PREX1: variants seen among roughly 807,000 people sequenced by gnomAD.
The protein encoded by PREX1 is phosphatidylinositol-3,4,5-trisphosphate dependent Rac exchange factor 1.
PREX1 carries 41 observed loss-of-function variants against 198.3 expected under a neutral mutation model. The observed-to-expected ratio is 0.21, with a 90% CI of 0.16 to 0.27. The LOEUF (loss-of-function observed/expected upper bound fraction) is 0.27, where lower values mean the gene tolerates loss of function less well. Ranked by LOEUF, PREX1 falls within the 10% of genes least tolerant of loss-of-function variation. PREX1 has a pLI of 1.00. For synonymous variants in PREX1, 843 were observed against 887.2 expected, an observed-to-expected ratio of 0.95 and a Z score of 0.89; for missense variants, 1,620 against 2,200.7, an observed-to-expected ratio of 0.74 and a Z score of 5.28.
chr20:48,682,545 T>C (rs2089758361), intron 10 of PREX1, among the ~76,000 whole-genome samples: 1 of 152,286 alleles, frequency 6.6e-6, no homozygotes, highest in South Asian at 2.1e-4. Flanking sequence ...TCAATGATCA[T>C]TTATGGAACA....
intron 31 of PREX1, among the ~76,000 whole-genome samples, chr20:48,637,272 A>C (rs1045969147): frequency 1.3e-5 from 2 of 152,176 alleles, no homozygotes; most frequent in Non-Finnish European, 2.9e-5. Flanking sequence ...TGAGTTTTTT[A>C]GTGACCAAAT....
rs770918795 is a variant in PREX1 at position 48,827,655 on chromosome 20, C to A, written c.206G>T (p.Arg69Leu). The A allele has an allele frequency of 4.0e-5, 53 of 1,325,260 alleles. No homozygotes were observed. The highest frequency in any genetic ancestry group is 5.1e-5 in the Non-Finnish European group (52 of 1,025,216). The allele number at this position is 1,325,260 out of a possible 1,614,324, so 82.1% of individuals were successfully genotyped here. Residue 69 changes from arginine to leucine, a missense_variant, in exon 1 of 40, where the codon CGC becomes CTC. Arg to Leu is a moderately radical substitution (Grantham distance 102). Transcript: ENST00000371941. The surrounding 1 kb of genome is among the most constrained non-coding windows in gnomAD (Gnocchi z 4.1). ...GTERDYVGTL[R>L]FLQSAFLHRI... ...AGCGACACTCACCGACTGCAAGAAG[C>A]GCAAGGTGCCCACGTAGTCCCTCTC...
chr20:48,781,017 A>C lies in PREX1; in HGVS notation c.220-33137T>G, dbSNP rs112279041. 8.6e-4 allele frequency among the ~76,000 whole-genome samples: 131 copies of C among 152,296 alleles called. 3 individuals are homozygous for C. The South Asian group carries it at 0.011, about 13-fold the overall frequency. On this transcript the variant is annotated intron_variant, in intron 1 of 39. Coordinates refer to ENST00000371941, the MANE Select transcript of PREX1 (RefSeq NM_020820.4). ...CCTAATTACGCATAAGCTCAAGTCCAAAGTGGCAGACAGTCTACAAAATAC... is the reference window on the plus strand; with the variant it reads ...CCTAATTACGCATAAGCTCAAGTCCCAAGTGGCAGACAGTCTACAAAATAC...
Position 48,639,792 on chromosome 20 carries a change from A to C in PREX1, c.3878T>G (p.Val1293Gly). Residue 1293 changes from valine (V) to glycine (G), a missense_variant, in exon 30 of 40, where the codon GTG becomes GGG. Around this residue, in one of 7 missense-constraint regions of PREX1, gnomAD observed 476 missense variants for 603.4 expected, o/e 0.79. Coordinates refer to ENST00000371941, the MANE Select transcript of PREX1 (RefSeq NM_020820.4). ...TTCCACATATCTCTGAATGTTGTCC[A>C]CCAGGGTCTTGATGGAGTTGGGGAG... The part of the protein sequence containing the change: ...WNLPNSIKTL[V>G]DNIQRYVEDG... 6.2e-7 allele frequency: 1 copy of C among 1,614,002 alleles called. No homozygotes were observed. The highest frequency in any genetic ancestry group is 2.2e-5 in the East Asian group (1 of 44,874).
At chr20:48,862,111 G>A in the PREX1 span, among the ~76,000 whole-genome samples, 3 of 152,114 alleles carry the variant, frequency 2.0e-5, no homozygotes, top group East Asian at 5.8e-4. Context: ...TCTGGAGGCT[G>A]AGGCAGTAGA....
At chr20:48,757,337 C>T (rs1039482824) in intron 1 of PREX1, among the ~76,000 whole-genome samples, 2 of 152,174 alleles carry the variant, frequency 1.3e-5, no homozygotes, top group African/African-American at 4.8e-5. Flanking sequence ...GGGCAGTGTC[C>T]ACCCACTGGA....
rs748769922 is a variant in PREX1, at chr20:48,734,610, T to C, written c.455A>G (p.His152Arg). ...CACCAGCAGCCTCAGGGCTTTCTCA[T>C]GGTTGCTGCAATACTCCTCGTACAC... is the stretch of plus-strand genomic sequence containing the variant. The part of the protein sequence containing the change: ...FCVYEEYCSN[H>R]EKALRLLVEL... The change falls in exon 4 of 40, where the codon CAT (histidine) becomes CGT (arginine). Residue 152 changes from histidine to arginine, a missense_variant. By Grantham distance (29) the His-to-Arg change is conservative (BLOSUM62 0). Around this residue, in one of 7 missense-constraint regions of PREX1, gnomAD observed 488 missense variants for 802.5 expected, o/e 0.61. Transcript: ENST00000371941. 3 of 1,614,038 alleles carry C rather than the reference T, an allele frequency of 1.9e-6. No individual in the cohort carries two copies. Among genetic ancestry groups the C allele is most frequent in the Non-Finnish European group, 2.5e-6 (3 of 1,179,990 alleles).
intron 1 of PREX1, among the ~76,000 whole-genome samples, chr20:48,769,741 G>A (rs537908682): frequency 2.6e-5 from 4 of 152,258 alleles, no homozygotes; most frequent in Admixed American, 2.0e-4. Flanking sequence ...CTGCTCAAAC[G>A]TCACCTCCTC....
At chr20:48,772,355 G>A (rs1274871970) in intron 1 of PREX1, among the ~76,000 whole-genome samples, 1 of 152,224 alleles carries the variant, frequency 6.6e-6, no homozygotes, top group Admixed American at 6.5e-5. Flanking sequence ...AGAAGGCGCA[G>A]GTGCGCAGCT....
intron 5 of PREX1, among the ~76,000 whole-genome samples, chr20:48,714,473 C>T (rs2089952735): frequency 6.6e-6 from 1 of 152,168 alleles, no homozygotes; most frequent in South Asian, 2.1e-4. Context: ...ACAGACATTT[C>T]TCCAAAGAAG....
the PREX1 span, among the ~76,000 whole-genome samples, chr20:48,836,902 CA>C: frequency 0.28 from 15,948 of 56,206 alleles, 313 homozygotes; most frequent in Non-Finnish European, 0.3. Context: ...ACTCTGTCTC[CA>C]AAAAAAAAAA....
Position 48,771,509 on chromosome 20 carries a change from C to T in PREX1, c.220-23629G>A, listed in dbSNP as rs544114524. Among the ~76,000 whole-genome samples the T allele has an allele frequency of 4.6e-5, 7 of 152,156 alleles. No homozygotes were observed. The South Asian group carries it at 8.3e-4, about 18-fold the overall frequency. On this transcript the variant is annotated intron_variant, in intron 1 of 39. Transcript: ENST00000371941. ...AGTTCTAGCCGGGCGTGGTGGCTCACGCCTGTAATCCCAACACTTTGGGAG... is the reference window on the plus strand; with the variant it reads ...AGTTCTAGCCGGGCGTGGTGGCTCATGCCTGTAATCCCAACACTTTGGGAG...
chr20:48,665,937 C>T (rs1304738665), intron 15 of PREX1, among the ~76,000 whole-genome samples: 1 of 152,222 alleles, frequency 6.6e-6, no homozygotes, highest in Non-Finnish European at 1.5e-5. Flanking sequence ...CAGGGCACAG[C>T]TCCTCCTTCC....
the PREX1 span, among the ~76,000 whole-genome samples, chr20:48,878,767 T>C: frequency 6.6e-6 from 1 of 152,172 alleles, no homozygotes; most frequent in African/African-American, 2.4e-5. Context: ...AATCAGAACA[T>C]CCAACAGCAT....
intron 7 of PREX1, among the ~76,000 whole-genome samples, chr20:48,695,826 G>C (rs1382211216): frequency 2.0e-5 from 3 of 152,142 alleles, no homozygotes; most frequent in Non-Finnish European, 4.4e-5. Flanking sequence ...CACATTTTCA[G>C]TTTTGTAGGC....
chr20:48,666,408 T>A lies in PREX1; in HGVS notation c.1666-53A>T. 1 of 1,456,940 alleles carries A rather than the reference T, an allele frequency of 6.9e-7. No individual in the cohort carries two copies. 90.3% of individuals were successfully genotyped at this position (1,456,940 alleles called of 1,614,324 possible). On this transcript the variant is annotated intron_variant, in intron 14 of 39. Transcript: ENST00000371941. This position sits in a 1 kb window ranked among gnomAD's most constrained non-coding sequence, Gnocchi z 4.3. ...TTAGGTGGCAGCATCCGAGAGGCCA[T>A]GCATGGCCAACGAGAAGCCCACAAC...
At chr20:48,740,064 A>G (rs1444013928) in intron 3 of PREX1, among the ~76,000 whole-genome samples, 1 of 152,210 alleles carries the variant, frequency 6.6e-6, no homozygotes, top group African/African-American at 2.4e-5. Context: ...GTTAGGTGAC[A>G]CTAGCGGGCT....
chr20:48,790,755 A>C (rs1434539870), intron 1 of PREX1, among the ~76,000 whole-genome samples: 1 of 152,138 alleles, frequency 6.6e-6, no homozygotes, highest in Non-Finnish European at 1.5e-5. Flanking sequence ...GAGACAGTGA[A>C]AGTCAAATCC....
chr20:48,732,803 G>T lies in PREX1; in HGVS notation c.519+1743C>A, dbSNP rs562621612. On this transcript the variant is annotated intron_variant, in intron 4 of 39. Coordinates refer to ENST00000371941, the MANE Select transcript of PREX1 (RefSeq NM_020820.4). ...TGCTGGCCGATGGGACGTGAGGGGA[G>T]GAGATGTGTGCAGCTTCCTGTTACG... 3.9e-5 allele frequency among the ~76,000 whole-genome samples: 6 copies of T among 152,270 alleles called. No individual in the cohort carries two copies. In the South Asian group the frequency reaches 1.0e-3, roughly 26 times the overall value.
Sources: gnomAD v4.1 joint callset for allele counts (sites outside exome capture counted in the v4.1 genomes callset) on GRCh38, gnomAD v4.1.1 for gene constraint, gnomAD v4.1.1 regional missense constraint, Gnocchi (gnomAD v3.1) non-coding constraint, MANE v1.5 for transcripts, NCBI Gene and HGNC (gene_info 2026-07-23, HGNC 2026-07-21) for gene names.